The following TMEM38A variants were observed in gnomAD, a reference collection of about 807,000 sequenced individuals.
TMEM38A encodes trimeric intracellular cation channel type A.
TMEM38A carries 17 observed loss-of-function variants against 28.6 expected under a neutral mutation model. The ratio of observed to expected loss-of-function variants is 0.60; its 90% CI spans 0.41 to 0.89. The LOEUF (loss-of-function observed/expected upper bound fraction) is 0.89, where lower values mean the gene tolerates loss of function less well. Ranked by LOEUF, TMEM38A falls within the 40% of genes least tolerant of loss-of-function variation. TMEM38A has a pLI of 0.00. For synonymous variants in TMEM38A, 169 were observed against 166.1 expected, an observed-to-expected ratio of 1.02 and a Z score of -0.14; for missense variants, 328 against 393.1, an observed-to-expected ratio of 0.83 and a Z score of 1.40.
In TMEM38A at chr19:16,680,070, C is replaced by G; in HGVS notation, c.211C>G (p.Leu71Val). 2 of 1,611,552 alleles carry G rather than the reference C, an allele frequency of 1.2e-6. No homozygotes were observed. The highest frequency in any genetic ancestry group is 1.7e-6 in the Non-Finnish European group (2 of 1,180,018). Residue 71 changes from leucine to valine, a missense_variant, in exon 2 of 6, where the codon CTG becomes GTG. Transcript: ENST00000187762. ...CTTCGGGAGCTACATCCTGGCTGAT[C>G]TGCTCCTTGGGGAGCCACTGATCGA... ...HCFGSYILAD[L>V]LLGEPLIDYF...
chr19:16,685,700 C>A (rs1275540767), intron 4 of TMEM38A, among the ~76,000 whole-genome samples: 1 of 152,220 alleles, frequency 6.6e-6, no homozygotes, highest in Admixed American at 6.5e-5. Flanking sequence ...GTTGTTACTA[C>A]CTGGTGTGGC....
chr19:16,686,366 C>T lies in TMEM38A; in HGVS notation c.633C>T (p.Ser211=), dbSNP rs755274779. Residue 211 remains serine (S), a synonymous_variant, in exon 5 of 6, where the codon AGC becomes AGT. Coordinates refer to ENST00000187762, the MANE Select transcript of TMEM38A (RefSeq NM_024074.4). The part of the protein sequence containing the change: ...QTRWLPVSKA[S]LIFIFTLFMV... ...GCTGGCTCCCAGTGTCCAAAGCCAG[C>T]CTCATCTTCATCTTCACCTTGTTCA... 1 of 1,613,784 alleles carries T rather than the reference C, an allele frequency of 6.2e-7. No individual in the cohort carries two copies. The highest frequency in any genetic ancestry group is 8.5e-7 in the Non-Finnish European group (1 of 1,179,926).
chr19:16,684,163 A>G (rs1715662187), intron 4 of TMEM38A, among the ~76,000 whole-genome samples: 1 of 148,898 alleles, frequency 6.7e-6, no homozygotes, highest in Non-Finnish European at 1.5e-5. Context: ...GAGAGAGAGG[A>G]AGGAAGGATT....
chr19:16,673,407 A>G (rs988531383), intron 1 of TMEM38A, among the ~76,000 whole-genome samples: 1 of 152,144 alleles, frequency 6.6e-6, no homozygotes, highest in African/African-American at 2.4e-5. Flanking sequence ...ATGGCACTCC[A>G]CATTTTGTGG....
At chr19:16,663,805 G>A (rs959427784) in intron 1 of TMEM38A, among the ~76,000 whole-genome samples, 16 of 151,748 alleles carry the variant, frequency 1.1e-4, no homozygotes. Flanking sequence ...CAAAGTGCTG[G>A]GATTACAGGT....
intron 1 of TMEM38A, among the ~76,000 whole-genome samples, chr19:16,669,110 G>A (rs1301319536): frequency 5.3e-5 from 8 of 151,570 alleles, no homozygotes; most frequent in Admixed American, 3.9e-4. Context: ...GATTACAGGC[G>A]TGAGCCACTG....
At chr19:16,672,445 C>CCTTT (rs1491240988) in intron 1 of TMEM38A, among the ~76,000 whole-genome samples, 2 of 100,436 alleles carry the variant, frequency 2.0e-5, no homozygotes, top group Admixed American at 9.4e-5. Flanking sequence ...AAAAAAACCT[C>CCTTT]ATTTTTTTTT....
At chr19:16,662,149 A>G (rs1397117896) in intron 1 of TMEM38A, among the ~76,000 whole-genome samples, 1 of 152,206 alleles carries the variant, frequency 6.6e-6, no homozygotes, top group African/African-American at 2.4e-5. Context: ...CCGTTATTCT[A>G]GAACACCAGC....
intron 2 of TMEM38A, 57 bp downstream of exon 2, chr19:16,680,197 C>A: frequency 6.3e-7 from 1 of 1,584,776 alleles, no homozygotes; most frequent in South Asian, 1.1e-5. Flanking sequence ...ACAACCTGGG[C>A]ACCAGGGAGG....
At chr19:16,684,320 GA>G (rs965233299) in intron 4 of TMEM38A, among the ~76,000 whole-genome samples, 13 of 143,420 alleles carry the variant, frequency 9.1e-5, no homozygotes, top group African/African-American at 2.6e-4. Context: ...AAAAAAAAAA[GA>G]AAAAAAAAAT....
chr19:16,682,537 ATGCCTCCTGTATGTCCGGG>A, intron 4 of TMEM38A, 29 bp downstream of exon 4: 1 of 1,602,272 alleles, frequency 6.2e-7, no homozygotes. Flanking sequence ...CTCTCCCTCC[ATGCCTCCTGTATGTCCGGG>A]TGCCTGACCC....
intron 1 of TMEM38A, 136 bp from the exon 2 acceptor site, chr19:16,679,848 G>A: frequency 2.2e-6 from 2 of 904,382 alleles, no homozygotes; most frequent in Non-Finnish European, 3.2e-6. Flanking sequence ...CTGAACCTTG[G>A]TTCCTCCTCT....
At chr19:16,682,537 A>G in intron 4 of TMEM38A, 29 bp downstream of exon 4, 2 of 1,602,272 alleles carry the variant, frequency 1.2e-6, no homozygotes, top group African/African-American at 1.3e-5. Context: ...CTCTCCCTCC[A>G]TGCCTCCTGT....
At chr19:16,664,522 T>A (rs1479513053) in intron 1 of TMEM38A, among the ~76,000 whole-genome samples, 1 of 152,188 alleles carries the variant, frequency 6.6e-6, no homozygotes, top group Non-Finnish European at 1.5e-5. Context: ...CTTCTCAGAA[T>A]TTGTGTGCTG....
intron 4 of TMEM38A, among the ~76,000 whole-genome samples, chr19:16,684,974 C>A (rs866609035): frequency 6.6e-6 from 1 of 151,348 alleles, no homozygotes; most frequent in African/African-American, 2.4e-5. Context: ...ACTTGAGCCT[C>A]AGAGTTTGAA....
At chr19:16,685,049 T>TAAATAAATAAATAA (rs202015834) in intron 4 of TMEM38A, among the ~76,000 whole-genome samples, 1 of 136,480 alleles carries the variant, frequency 7.3e-6, no homozygotes, top group African/African-American at 2.8e-5. Context: ...ACCCTGTCTC[T>TAAATAAATAAATAA]GTAAATAAAT....
At chr19:16,674,816 CAAA>C (rs201288937) in intron 1 of TMEM38A, among the ~76,000 whole-genome samples, 5 of 150,460 alleles carry the variant, frequency 3.3e-5, no homozygotes, top group African/African-American at 1.2e-4. Context: ...ACAACAACAA[CAAA>C]AAAAAACCAG....
intron 1 of TMEM38A, among the ~76,000 whole-genome samples, chr19:16,663,488 G>C (rs528941154): frequency 3.9e-5 from 6 of 151,940 alleles, no homozygotes; most frequent in African/African-American, 1.2e-4. Context: ...CCAAACCCTG[G>C]CTATTCATGA....
At chr19:16,672,986 T>C (rs112271258) in intron 1 of TMEM38A, among the ~76,000 whole-genome samples, 11 of 152,176 alleles carry the variant, frequency 7.2e-5, no homozygotes, top group African/African-American at 2.6e-4. Flanking sequence ...AATGCCCCCA[T>C]AGCAAAAAAT....
Sources: allele counts gnomAD v4.1 joint callset (sites outside exome capture counted in the v4.1 genomes callset), GRCh38; gene constraint gnomAD v4.1.1; transcripts MANE v1.5; gene names NCBI Gene and HGNC (gene_info 2026-07-23, HGNC 2026-07-21).